CORO7: variants seen among roughly 807,000 people sequenced by gnomAD.
CORO7 encodes coronin 7, also known as coronin-7.
In CORO7, 107 loss-of-function variants were observed where a neutral mutation model predicts 126.6. The observed-to-expected ratio is 0.85, with a 90% CI of 0.72 to 0.99. The LOEUF (loss-of-function observed/expected upper bound fraction) is 0.99. CORO7 is among the 50% of genes least tolerant of loss of function. The pLI is 0.00. For missense variants in CORO7, 1,314 were observed against 1,255.8 expected (o/e 1.05, Z -0.70); for synonymous variants, 603 against 536.8 (o/e 1.12, Z -1.70).
chr16:4,361,611 C>A, intron 16 of CORO7, 142 bp from the exon 17 acceptor site: 2 of 1,033,034 alleles, frequency 1.9e-6, no homozygotes, highest in Admixed American at 2.1e-5. Context: ...GCTCTCTGCC[C>A]TGACCACCTT....
At chr16:4,392,342 C>T (rs558833750) in intron 7 of CORO7, among the ~76,000 whole-genome samples, 1 of 152,220 alleles carries the variant, frequency 6.6e-6, no homozygotes, top group South Asian at 2.1e-4. Context: ...ATGGAGAAGC[C>T]ACAGAACCAT....
chr16:4,401,733 C>T (rs938801628), intron 6 of CORO7, among the ~76,000 whole-genome samples: 2 of 151,910 alleles, frequency 1.3e-5, no homozygotes, highest in African/African-American at 4.8e-5. Flanking sequence ...AGGACACGAG[C>T]GACAGCAAGC....
At chr16:4,367,570 A>C (rs1175088671) in intron 9 of CORO7, among the ~76,000 whole-genome samples, 1 of 152,192 alleles carries the variant, frequency 6.6e-6, no homozygotes, top group Non-Finnish European at 1.5e-5. Context: ...AGGTTCACCG[A>C]GGACACACAG....
intron 9 of CORO7, 113 bp from the exon 10 acceptor site, chr16:4,365,658 T>C: frequency 1.4e-6 from 2 of 1,392,890 alleles, no homozygotes; most frequent in South Asian, 1.3e-5. Context: ...CGCTTGGCCA[T>C]CCAGCCATGT....
intron 9 of CORO7, chr16:4,371,789 C>A (rs926347358): frequency 6.6e-6 from 1 of 152,168 alleles, no homozygotes; most frequent in African/African-American, 2.4e-5. Context: ...AGGCCCCGCC[C>A]CTGCCGCGGC....
intron 9 of CORO7, chr16:4,381,558 G>C (rs1258829833): frequency 6.2e-7 from 1 of 1,605,138 alleles, no homozygotes; most frequent in Admixed American, 1.7e-5. Context: ...CCGACAACCA[G>C]CTGGAGCGAG....
chr16:4,406,959 T>C (rs1010221030), intron 5 of CORO7, among the ~76,000 whole-genome samples: 1 of 144,624 alleles, frequency 6.9e-6, no homozygotes, highest in Non-Finnish European at 1.5e-5. Context: ...TTTATTTTTA[T>C]TTTTTTGAGA....
rs531967952 is a variant in CORO7, at chr16:4,396,915, C to T, written c.565-1576G>A. 8.1e-5 allele frequency among the ~76,000 whole-genome samples: 12 copies of T among 148,066 alleles called. No homozygotes were observed. The South Asian group carries it at 1.7e-3, about 21-fold the overall frequency. Reference sequence around the variant, plus strand: ...CCTGTAATCCCAGCTACTCAGGGGGCGGAGGCAGGAGAATCGTTTGAACCT... The same window carrying T: ...CCTGTAATCCCAGCTACTCAGGGGGTGGAGGCAGGAGAATCGTTTGAACCT... On this transcript the variant is annotated intron_variant, in intron 6 of 27. Transcript: ENST00000251166.
At position 4,390,184 on chromosome 16, in the gene CORO7, C is replaced by T. The variant is rs12448217; in HGVS notation, c.616-1553G>A. On this transcript the variant is annotated intron_variant, in intron 7 of 27. Coordinates refer to ENST00000251166, the MANE Select transcript of CORO7 (RefSeq NM_024535.5). ...AGCCGCACGGTGTTAGGGGAGGAAG[C>T]TCTGGAGGTGGACCCAGGAGAGCCC... 7.2e-3 allele frequency among the ~76,000 whole-genome samples: 1,101 copies of T among 152,336 alleles called. 8 individuals are homozygous for T. Among genetic ancestry groups the T allele is most frequent in the Non-Finnish European group, 0.01 (713 of 68,036 alleles).
At chr16:4,385,048 G>GC (rs1461678669) in intron 9 of CORO7, among the ~76,000 whole-genome samples, 1 of 152,204 alleles carries the variant, frequency 6.6e-6, no homozygotes, top group Non-Finnish European at 1.5e-5. Context: ...TCAGATCAGG[G>GC]CTTCGGGGAA....
intron 16 of CORO7, chr16:4,361,677 C>T (rs945310316): frequency 6.3e-6 from 5 of 792,140 alleles, no homozygotes; most frequent in Non-Finnish European, 1.1e-5. Flanking sequence ...GGGGCAGCAG[C>T]GTGAACTGGC....
At position 4,411,650 on chromosome 16, in the gene CORO7, A is replaced by G. The variant is rs115104559; in HGVS notation, c.232+706T>C. 8.0e-3 allele frequency among the ~76,000 whole-genome samples: 1,216 copies of G among 152,220 alleles called. 20 individuals carry two copies. The highest frequency in any genetic ancestry group is 0.028 in the African/African-American group (1,165 of 41,528). On this transcript the variant is annotated intron_variant, in intron 3 of 27. Transcript: ENST00000251166. The stretch of plus-strand genomic sequence containing the variant: ...ACTATTGTTATTAACCACCATCATT[A>G]TCATATCAGAACCCCTCCACGACCC...
At chr16:4,395,613 C>T (rs904140664) in intron 6 of CORO7, among the ~76,000 whole-genome samples, 6 of 152,318 alleles carry the variant, frequency 3.9e-5, no homozygotes, top group South Asian at 2.1e-4. Flanking sequence ...ACCTGCTCCA[C>T]GTCAGGCATC....
At position 4,416,595 on chromosome 16, in the gene CORO7, C is replaced by G. The variant is rs2056421512; in HGVS notation, c.-77G>C. On this transcript the variant is annotated 5_prime_UTR_variant, in exon 1 of 28. Transcript: ENST00000251166. The stretch of plus-strand genomic sequence containing the variant: ...TCAGGTGCACGCTGAGCAACCGCGA[C>G]TCCCGCTGCCTCGGCCCCACCCGGG... 1 of 1,527,784 alleles carries G rather than the reference C, an allele frequency of 6.5e-7. No homozygotes were observed. Among genetic ancestry groups the G allele is most frequent in the South Asian group, 1.2e-5 (1 of 82,472 alleles). The allele number at this position is 1,527,784 out of a possible 1,614,324, so 94.6% of individuals were successfully genotyped here. A position where few individuals can be genotyped will look rare whatever the true frequency, so the allele number is the denominator to read the frequency against.
Position 4,358,440 on chromosome 16 carries a change from A to C in CORO7, c.2384T>G (p.Val795Gly). The C allele has an allele frequency of 1.2e-6, 2 of 1,611,324 alleles. No individual in the cohort carries two copies. Among genetic ancestry groups the C allele is most frequent in the Non-Finnish European group, 1.7e-6 (2 of 1,178,900 alleles). The change falls in exon 24 of 28, where the codon GTG (valine) becomes GGG (glycine). Residue 795 changes from valine to glycine, a missense_variant. Val to Gly is a moderately radical substitution (Grantham distance 109). Coordinates refer to ENST00000251166, the MANE Select transcript of CORO7 (RefSeq NM_024535.5). ...CAGCCGCAGGCACCGCATCAGCTCC[A>C]CTTCCCGCACGTCGCACTCCGTCTT... Reference protein sequence around the residue: ...LPKTECDVREVELMRCLRLRQ... With the variant: ...LPKTECDVREGELMRCLRLRQ...
intron 7 of CORO7, among the ~76,000 whole-genome samples, chr16:4,391,479 C>T (rs991738131): frequency 6.6e-6 from 1 of 152,202 alleles, no homozygotes; most frequent in Non-Finnish European, 1.5e-5. Flanking sequence ...TCGCTTGAAC[C>T]TGGGAGGTGG....
chr16:4,388,179 C>G, intron 8 of CORO7, 111 bp from the exon 9 acceptor site: 1 of 1,391,836 alleles, frequency 7.2e-7, no homozygotes, highest in Non-Finnish European at 9.9e-7. Context: ...GGCACCTGCC[C>G]CAGAGCAGGG....
At chr16:4,387,146 A>G (rs914572626) in intron 9 of CORO7, among the ~76,000 whole-genome samples, 1 of 150,634 alleles carries the variant, frequency 6.6e-6, no homozygotes, top group African/African-American at 2.4e-5. Context: ...CTGTCTCTCC[A>G]CCCCGGCCCT....
At position 4,362,990 on chromosome 16, in the gene CORO7, G is replaced by A. The variant is rs994999088; in HGVS notation, c.1276-252C>T. ...AGCCCTGCAGGAGGGTGTGCCCAGT[G>A]GGTTAGATCTGCCAGTATTTTAAGA... On this transcript the variant is annotated intron_variant, in intron 14 of 27. Transcript: ENST00000251166. The surrounding 1 kb of genome is among the most constrained non-coding windows in gnomAD (Gnocchi z 5.3). 2.6e-5 allele frequency: 10 copies of A among 387,588 alleles called. No individual in the cohort carries two copies. Among genetic ancestry groups the A allele is most frequent in the African/African-American group, 1.9e-4 (9 of 48,442 alleles). 24.0% of individuals were successfully genotyped at this position (387,588 alleles called of 1,614,324 possible).
Sources: allele counts gnomAD v4.1 joint callset (sites outside exome capture counted in the v4.1 genomes callset), GRCh38; gene constraint gnomAD v4.1.1; non-coding constraint Gnocchi (gnomAD v3.1); transcripts MANE v1.5; gene names NCBI Gene and HGNC (gene_info 2026-07-23, HGNC 2026-07-21).